WDR26: variants seen among roughly 807,000 people sequenced by gnomAD.
WDR26 encodes the protein WD repeat-containing protein 26.
A neutral mutation model predicts 84.1 loss-of-function variants in WDR26; 5 were observed. The observed-to-expected ratio is 0.06, with a 90% confidence interval of 0.03 to 0.13. The LOEUF is 0.13. Ranked by LOEUF, WDR26 falls within the 10% of genes least tolerant of loss-of-function variation. WDR26 has a pLI of 1.00. For synonymous variants in WDR26, 415 were observed against 389.6 expected, an observed-to-expected ratio of 1.07 and a Z score of -0.77; for missense variants, 642 against 974.9, an observed-to-expected ratio of 0.66 and a Z score of 4.55.
At chr1:224,419,908 C>A (rs1315197760) in intron 4 of WDR26, among the ~76,000 whole-genome samples, 1 of 151,862 alleles carries the variant, frequency 6.6e-6, no homozygotes, top group Non-Finnish European at 1.5e-5. Flanking sequence ...ATATTACTTC[C>A]TTTAATGTTT....
chr1:224,419,668 A>C (rs928699716), intron 4 of WDR26, 53 bp from the exon 5 acceptor site: 2 of 1,423,180 alleles, frequency 1.4e-6, no homozygotes, highest in Non-Finnish European at 2.0e-6. Context: ...CTTTGTAATA[A>C]ATGTAATTGA....
chr1:224,414,590 G>A (rs755214119), intron 6 of WDR26, among the ~76,000 whole-genome samples: 1 of 152,080 alleles, frequency 6.6e-6, no homozygotes, highest in South Asian at 2.1e-4. Context: ...TAGTTTTCTA[G>A]TTCCAATGCT....
chr1:224,389,823 C>G lies in WDR26; in HGVS notation c.*12G>C. 7.2e-7 allele frequency: 1 copy of G among 1,397,582 alleles called. No homozygotes were observed. Among genetic ancestry groups the G allele is most frequent in the South Asian group, 1.1e-5 (1 of 88,268 alleles). The allele number at this position is 1,397,582 out of a possible 1,614,324, so 86.6% of individuals were successfully genotyped here. The stretch of plus-strand genomic sequence containing the variant: ...TTAAGTTAAACAGAAGTCGTCTGCT[C>G]CAAATTCACCATCAACTATCCATGC... On this transcript the variant is annotated 3_prime_UTR_variant, in exon 14 of 14. Transcript: ENST00000414423.
chr1:224,402,955 C>T (rs186210556), intron 8 of WDR26, among the ~76,000 whole-genome samples: 70 of 151,868 alleles, frequency 4.6e-4, no homozygotes, highest in Admixed American at 1.2e-3. Context: ...ATAGGTAGAA[C>T]GTTATTTTTT....
At chr1:224,404,604 T>C (rs1235198721) in intron 7 of WDR26, 34 bp from the exon 8 acceptor site, 3 of 1,583,930 alleles carry the variant, frequency 1.9e-6, no homozygotes, top group Non-Finnish European at 2.6e-6. Flanking sequence ...AGTTAACCCC[T>C]ATCACTAAAG....
At chr1:224,407,151 A>AAAATATATATATATATATATAT in intron 7 of WDR26, among the ~76,000 whole-genome samples, 1 of 11,874 alleles carries the variant, frequency 8.4e-5, no homozygotes, top group Non-Finnish European at 1.4e-4. Flanking sequence ...AAAAAAAAAA[A>AAAATATATATATATATATATAT]ATATATATAT....
chr1:224,401,190 G>A lies in WDR26; in HGVS notation c.1600-121C>T, dbSNP rs114188625. On this transcript the variant is annotated intron_variant, in intron 8 of 13. Coordinates refer to ENST00000414423, the MANE Select transcript of WDR26 (RefSeq NM_001379403.1). ...CCCAGTTCATTCTAAGTAGAGTAATGAATTAAGTGACCCTACAAAAAAGAG... is the reference window on the plus strand; with the variant it reads ...CCCAGTTCATTCTAAGTAGAGTAATAAATTAAGTGACCCTACAAAAAAGAG... 6,338 of 921,952 alleles carry A rather than the reference G, an allele frequency of 6.9e-3. 43 individuals carry two copies. The highest frequency in any genetic ancestry group is 0.02 in the Middle Eastern group (57 of 2,806). 57.1% of individuals were successfully genotyped at this position (921,952 alleles called of 1,614,324 possible). A position where few individuals can be genotyped will look rare whatever the true frequency, so the allele number is the denominator to read the frequency against.
At chr1:224,398,739 G>A (rs1553353273) in intron 10 of WDR26, 146 bp from the exon 11 acceptor site, 2 of 1,198,972 alleles carry the variant, frequency 1.7e-6, no homozygotes, top group Non-Finnish European at 2.3e-6. Flanking sequence ...AAGAATCTGA[G>A]TTACTGATTA....
intron 13 of WDR26, 62 bp from the exon 14 acceptor site, chr1:224,389,922 G>GA (rs1170954877): frequency 6.2e-5 from 77 of 1,234,956 alleles, no homozygotes; most frequent in Non-Finnish European, 2.3e-6. Flanking sequence ...GGGAAGGAGA[G>GA]AAAAAAATTA....
chr1:224,411,367 A>G (rs1558430112), intron 7 of WDR26, 60 bp downstream of exon 7: 2 of 1,514,560 alleles, frequency 1.3e-6, no homozygotes, highest in Non-Finnish European at 1.8e-6. Flanking sequence ...TATGTAATCA[A>G]TGAATTAGAT....
In WDR26 at chr1:224,393,973, T is replaced by C. The variant is rs1558414602; in HGVS notation, c.2115A>G (p.Pro705=). 1 of 1,543,014 alleles carries C rather than the reference T, an allele frequency of 6.5e-7. No individual in the cohort carries two copies. Among genetic ancestry groups the C allele is most frequent in the African/African-American group, 1.3e-5 (1 of 74,222 alleles). The change falls in exon 13 of 14, where the codon CCA becomes CCG. Residue 705 remains proline (P), a synonymous_variant. Coordinates refer to ENST00000414423, the MANE Select transcript of WDR26 (RefSeq NM_001379403.1). ...GTGTGTGCCCTGTCAGCTCCGCAAT[T>C]GGCAGTTCACTACGTTTGTGCCAGA...
In WDR26 at chr1:224,418,423, T is replaced by C. The variant is rs751110744; in HGVS notation, c.1163-7A>G. 6.9e-6 allele frequency: 11 copies of C among 1,583,030 alleles called. No individual in the cohort carries two copies. Among genetic ancestry groups the C allele is most frequent in the East Asian group, 4.5e-5 (2 of 44,636 alleles). ...ACTGATGGTGGTAAATAGGCTTTAA[T>C]AGAAGATATTTTAAAAAAGAGAAAT... On this transcript the variant is annotated splice_polypyrimidine_tract_variant and splice_region_variant and intron_variant, in intron 5 of 13. Transcript: ENST00000414423.
At chr1:224,398,442 A>T in intron 11 of WDR26, 73 bp downstream of exon 11, 1 of 1,380,482 alleles carries the variant, frequency 7.2e-7, no homozygotes, top group Non-Finnish European at 9.9e-7. Flanking sequence ...TAATATAAAT[A>T]CACTGAAAAT....
chr1:224,402,622 C>T (rs889810180), intron 8 of WDR26, among the ~76,000 whole-genome samples: 9 of 152,168 alleles, frequency 5.9e-5, no homozygotes, highest in African/African-American at 1.9e-4. Flanking sequence ...TACAAAGGCA[C>T]TCTACATTAA....
At chr1:224,405,787 A>G (rs868487388) in intron 7 of WDR26, among the ~76,000 whole-genome samples, 1 of 152,240 alleles carries the variant, frequency 6.6e-6, no homozygotes, top group Non-Finnish European at 1.5e-5. Context: ...GCAAGTGACA[A>G]GGCTGCAAGA....
intron 6 of WDR26, chr1:224,413,207 ACCC>A: frequency 1.5e-6 from 1 of 645,316 alleles, no homozygotes; most frequent in Non-Finnish European, 2.1e-6. Flanking sequence ...AACAACAAAA[ACCC>A]CCCCCCCCAA....
At chr1:224,390,433 A>G (rs968602105) in intron 13 of WDR26, among the ~76,000 whole-genome samples, 4 of 152,228 alleles carry the variant, frequency 2.6e-5, no homozygotes, top group Non-Finnish European at 4.4e-5. Context: ...AGAATCTCAT[A>G]CTTTTAAAAT....
intron 3 of WDR26, among the ~76,000 whole-genome samples, chr1:224,426,943 A>AG (rs909500735): frequency 6.6e-6 from 1 of 151,316 alleles, no homozygotes; most frequent in African/African-American, 2.4e-5. Context: ...AAAAAAAAAA[A>AG]TACAAAAAAA....
In WDR26 at chr1:224,386,571, G is replaced by A. The variant is rs1158520604; in HGVS notation, c.*3264C>T. On this transcript the variant is annotated 3_prime_UTR_variant, in exon 14 of 14. Transcript: ENST00000414423. ...GTTTTCTATTAATGTCATGGAATAT[G>A]CCACTGTAGAGGCAGAACACTCCTA... 2 of 152,570 alleles carry A rather than the reference G, an allele frequency of 1.3e-5. No homozygotes were observed. Among genetic ancestry groups the A allele is most frequent in the Non-Finnish European group, 2.9e-5 (2 of 68,020 alleles). 9.5% of individuals were successfully genotyped at this position (152,570 alleles called of 1,614,324 possible).
Sources: gnomAD v4.1 joint callset for allele counts (sites outside exome capture counted in the v4.1 genomes callset) on GRCh38, gnomAD v4.1.1 for gene constraint, MANE v1.5 for transcripts, NCBI Gene and HGNC (gene_info 2026-07-23, HGNC 2026-07-21) for gene names.